GPC5: variants seen among roughly 807,000 people sequenced by gnomAD.
The protein encoded by GPC5 is glypican-5.
In GPC5, 47 loss-of-function variants were observed where a neutral mutation model predicts 53.9. The ratio of observed to expected loss-of-function variants is 0.87; its 90% CI spans 0.69 to 1.11. GPC5 has a LOEUF of 1.11. Ranked by LOEUF, GPC5 falls within the 50% of genes most tolerant of loss-of-function variation. GPC5 has a pLI of 0.00. For synonymous variants in GPC5, 286 were observed against 263.3 expected (o/e 1.09, Z -0.84); for missense variants, 748 against 713.1 (o/e 1.05, Z -0.56).
At chr13:92,462,276 T>G (rs1256747184) in intron 7 of GPC5, among the ~76,000 whole-genome samples, 1 of 152,106 alleles carries the variant, frequency 6.6e-6, no homozygotes, top group Non-Finnish European at 1.5e-5. Context: ...GAGGAGAGTT[T>G]GTAACATACA....
At chr13:92,388,980 G>C (rs927579665) in intron 7 of GPC5, among the ~76,000 whole-genome samples, 16 of 152,090 alleles carry the variant, frequency 1.1e-4, no homozygotes, top group Admixed American at 5.2e-4. Context: ...ATTCTGTGAA[G>C]TTGTTTATTT....
At chr13:92,406,929 C>T (rs1023741696) in intron 7 of GPC5, among the ~76,000 whole-genome samples, 1 of 152,144 alleles carries the variant, frequency 6.6e-6, no homozygotes, top group African/African-American at 2.4e-5. Context: ...GGCCATTATT[C>T]ATCTCTTTGC....
At chr13:92,276,282 A>G (rs1461729214) in intron 7 of GPC5, among the ~76,000 whole-genome samples, 1 of 152,150 alleles carries the variant, frequency 6.6e-6, no homozygotes, top group Non-Finnish European at 1.5e-5. Context: ...TTAAAAATTA[A>G]ACTGCAATAA....
chr13:91,942,129 G>C (rs970614901), intron 6 of GPC5, among the ~76,000 whole-genome samples: 2 of 151,992 alleles, frequency 1.3e-5, no homozygotes, highest in African/African-American at 4.8e-5. Flanking sequence ...TATAGCCACT[G>C]TGCTGTCCAA....
At chr13:92,580,008 CTT>C (rs1261279645) in intron 7 of GPC5, among the ~76,000 whole-genome samples, 1 of 152,126 alleles carries the variant, frequency 6.6e-6, no homozygotes, top group Non-Finnish European at 1.5e-5. Flanking sequence ...AATGACATGA[CTT>C]TATTATAGAG....
chr13:92,049,859 T>C (rs2041013381), intron 6 of GPC5, among the ~76,000 whole-genome samples: 1 of 149,342 alleles, frequency 6.7e-6, no homozygotes, highest in African/African-American at 2.6e-5. Context: ...AAAAATGAGA[T>C]TTTTTTTAGC....
intron 1 of GPC5, among the ~76,000 whole-genome samples, chr13:91,433,507 A>C (rs1594083095): frequency 6.6e-6 from 1 of 152,142 alleles, no homozygotes; most frequent in East Asian, 1.9e-4. Flanking sequence ...AGCTTCATCC[A>C]TGTCCCTGCA....
At chr13:92,090,411 G>A (rs2041370563) in intron 6 of GPC5, among the ~76,000 whole-genome samples, 1 of 152,084 alleles carries the variant, frequency 6.6e-6, no homozygotes, top group Non-Finnish European at 1.5e-5. Context: ...AATGGGATTA[G>A]TAGACTTATA....
chr13:92,531,588 T>G (rs1444870143), intron 7 of GPC5, among the ~76,000 whole-genome samples: 3 of 152,132 alleles, frequency 2.0e-5, no homozygotes, highest in Non-Finnish European at 4.4e-5. Context: ...AATCTTATGA[T>G]CACCTTCATC....
chr13:92,861,890 T>C (rs1352009566), intron 7 of GPC5, among the ~76,000 whole-genome samples: 1 of 152,220 alleles, frequency 6.6e-6, no homozygotes, highest in East Asian at 1.9e-4. Context: ...GATAAAATTC[T>C]AGCTTATTTT....
intron 7 of GPC5, among the ~76,000 whole-genome samples, chr13:92,680,683 A>G (rs1240110566): frequency 6.6e-6 from 1 of 152,206 alleles, no homozygotes. Context: ...TATCATTAAT[A>G]AACAACATGA....
At chr13:91,473,271 G>A (rs775234995) in intron 2 of GPC5, among the ~76,000 whole-genome samples, 6 of 151,998 alleles carry the variant, frequency 3.9e-5, no homozygotes, top group East Asian at 3.9e-4. Context: ...ATTACAGTTC[G>A]AGATGAGATT....
At chr13:91,883,636 G>T (rs147768616) in intron 5 of GPC5, among the ~76,000 whole-genome samples, 1 of 152,324 alleles carries the variant, frequency 6.6e-6, no homozygotes, top group East Asian at 1.9e-4. Context: ...CTGAAGCAGA[G>T]TGAGGAAGGG....
At chr13:92,545,132 A>C (rs1882062239) in intron 7 of GPC5, among the ~76,000 whole-genome samples, 2 of 151,188 alleles carry the variant, frequency 1.3e-5, no homozygotes, top group South Asian at 4.2e-4. Context: ...ATGTGTTCTC[A>C]TTGTTCAATT....
chr13:91,578,057 C>T (rs2032204595), intron 2 of GPC5, among the ~76,000 whole-genome samples: 1 of 152,200 alleles, frequency 6.6e-6, no homozygotes, highest in Non-Finnish European at 1.5e-5. Flanking sequence ...TGAGGAAAGC[C>T]AGCTGCCATG....
chr13:92,774,624 C>T (rs1875733688), intron 7 of GPC5, among the ~76,000 whole-genome samples: 1 of 152,174 alleles, frequency 6.6e-6, no homozygotes, highest in African/African-American at 2.4e-5. Flanking sequence ...AGGATACTGA[C>T]TTCTCTTAAT....
chr13:92,385,819 G>GTATA (rs200651869), intron 7 of GPC5, among the ~76,000 whole-genome samples: 1 of 142,502 alleles, frequency 7.0e-6, no homozygotes, highest in African/African-American at 2.6e-5. Context: ...ATATACACGT[G>GTATA]TATATATATA....
At chr13:92,715,057 T>G (rs1166304473) in intron 7 of GPC5, among the ~76,000 whole-genome samples, 1 of 152,170 alleles carries the variant, frequency 6.6e-6, no homozygotes, top group Non-Finnish European at 1.5e-5. Flanking sequence ...AGAGCAAGAC[T>G]TCCTCTCAAA....
At chr13:92,198,900 T>G (rs933502332) in intron 7 of GPC5, among the ~76,000 whole-genome samples, 1 of 152,142 alleles carries the variant, frequency 6.6e-6, no homozygotes, top group African/African-American at 2.4e-5. Flanking sequence ...AATTCCATAC[T>G]CAAATTGAGA....
Sources: gnomAD v4.1 joint callset for allele counts (sites outside exome capture counted in the v4.1 genomes callset) on GRCh38, gnomAD v4.1.1 for gene constraint, MANE v1.5 for transcripts, NCBI Gene and HGNC (gene_info 2026-07-23, HGNC 2026-07-21) for gene names.